The following NKAIN2 variants were observed in gnomAD, a reference collection of about 807,000 sequenced individuals.
NKAIN2 encodes the protein sodium/potassium-transporting ATPase subunit beta-1-interacting protein 2.
Under a neutral mutation model 32.6 loss-of-function variants are expected in NKAIN2, and 14 were observed. The ratio of observed to expected loss-of-function variants is 0.43; its 90% confidence interval spans 0.28 to 0.67. The LOEUF is 0.67. Among genes scored for constraint, NKAIN2 ranks in the 30% least tolerant of loss-of-function variants. The pLI is 0.17. For missense variants in NKAIN2, 198 were observed against 258.3 expected, an observed-to-expected ratio of 0.77 and a Z score of 1.60; for synonymous variants, 80 against 87.2, an observed-to-expected ratio of 0.92 and a Z score of 0.46.
At chr6:124,091,729 A>C (rs1451838534) in intron 1 of NKAIN2, among the ~76,000 whole-genome samples, 1 of 151,860 alleles carries the variant, frequency 6.6e-6, no homozygotes, top group Non-Finnish European at 1.5e-5. Flanking sequence ...ATTTAATGTC[A>C]GGTTGCTACC....
chr6:124,175,306 T>C (rs1789101548), intron 1 of NKAIN2, among the ~76,000 whole-genome samples: 1 of 152,178 alleles, frequency 6.6e-6, no homozygotes, highest in South Asian at 2.1e-4. Context: ...AAGGCATTAC[T>C]ATTTGTAGGG....
intron 1 of NKAIN2, among the ~76,000 whole-genome samples, chr6:123,866,105 C>G (rs1170728701): frequency 6.6e-6 from 1 of 152,162 alleles, no homozygotes; most frequent in Admixed American, 6.5e-5. Context: ...GCTGACTTTT[C>G]CCCATGGCAG....
chr6:123,823,974 TAAAA>T (rs1407157708), intron 1 of NKAIN2, among the ~76,000 whole-genome samples: 1 of 152,092 alleles, frequency 6.6e-6, no homozygotes, highest in Non-Finnish European at 1.5e-5. Flanking sequence ...TTTAAGAAAT[TAAAA>T]AATACTGAGC....
chr6:124,539,175 CAG>C (rs1045886951), intron 3 of NKAIN2, among the ~76,000 whole-genome samples: 43 of 143,116 alleles, frequency 3.0e-4, no homozygotes, highest in African/African-American at 1.0e-3. Flanking sequence ...TTTGTATAAT[CAG>C]AGATATTTAA....
chr6:124,193,966 C>A (rs1790166921), intron 1 of NKAIN2, among the ~76,000 whole-genome samples: 1 of 152,070 alleles, frequency 6.6e-6, no homozygotes, highest in Non-Finnish European at 1.5e-5. Flanking sequence ...ATCTGTTTAG[C>A]CCTCAGCAGA....
At chr6:124,721,445 T>C (rs1205093382) in intron 4 of NKAIN2, among the ~76,000 whole-genome samples, 2 of 151,430 alleles carry the variant, frequency 1.3e-5, no homozygotes, top group Non-Finnish European at 2.9e-5. Context: ...AACGTTACAG[T>C]CCATCAGACA....
At chr6:124,080,855 A>G (rs1457406097) in intron 1 of NKAIN2, among the ~76,000 whole-genome samples, 1 of 152,182 alleles carries the variant, frequency 6.6e-6, no homozygotes, top group Non-Finnish European at 1.5e-5. Context: ...AATTTCTAAC[A>G]CTTTATCTAA....
intron 1 of NKAIN2, among the ~76,000 whole-genome samples, chr6:123,880,615 G>A (rs1470719911): frequency 6.6e-6 from 1 of 152,064 alleles, no homozygotes; most frequent in Non-Finnish European, 1.5e-5. Context: ...TGTATTAAAA[G>A]GAACTCTAAA....
chr6:124,097,368 A>C (rs962516615), intron 1 of NKAIN2, among the ~76,000 whole-genome samples: 3 of 149,362 alleles, frequency 2.0e-5, no homozygotes, highest in Non-Finnish European at 4.4e-5. Context: ...GCGCCACTGC[A>C]CTCTGGCCTG....
chr6:124,709,788 GATTC>G (rs1333319777), intron 4 of NKAIN2, among the ~76,000 whole-genome samples: 2 of 151,590 alleles, frequency 1.3e-5, no homozygotes, highest in Non-Finnish European at 2.9e-5. Flanking sequence ...CCAGCTCCTG[GATTC>G]ATTAATTTTT....
At chr6:124,018,484 T>C (rs1240600440) in intron 1 of NKAIN2, among the ~76,000 whole-genome samples, 1 of 152,200 alleles carries the variant, frequency 6.6e-6, no homozygotes, top group Non-Finnish European at 1.5e-5. Context: ...ACTTGTATGC[T>C]CTGCTTCCTA....
chr6:124,740,341 T>A (rs1777142297), intron 4 of NKAIN2, among the ~76,000 whole-genome samples: 1 of 151,786 alleles, frequency 6.6e-6, no homozygotes, highest in Non-Finnish European at 1.5e-5. Context: ...AAGCTCTGTT[T>A]GAGGCCCAAT....
At chr6:124,734,574 A>T (rs1219176981) in intron 4 of NKAIN2, among the ~76,000 whole-genome samples, 3 of 151,920 alleles carry the variant, frequency 2.0e-5, no homozygotes, top group Non-Finnish European at 4.4e-5. Context: ...CAGGACAAAA[A>T]AGACTGACAC....
rs144379885 is a variant in NKAIN2, at chr6:124,704,795, C to T, written c.474+46409C>T. Among the ~76,000 whole-genome samples the T allele has an allele frequency of 1.1e-3, 173 of 151,940 alleles. 1 individual carries two copies. Among genetic ancestry groups the T allele is most frequent in the African/African-American group, 4.0e-3 (167 of 41,458 alleles). On this transcript the variant is annotated intron_variant, in intron 4 of 6. Transcript: ENST00000368417. ...GATTTATATCCTGATAGAACCAGAGCGTCTAATACACTCTCTACTTAACTT... is the reference window on the plus strand; with the variant it reads ...GATTTATATCCTGATAGAACCAGAGTGTCTAATACACTCTCTACTTAACTT...
intron 1 of NKAIN2, among the ~76,000 whole-genome samples, chr6:124,259,741 C>T (rs185894268): frequency 2.6e-5 from 4 of 152,238 alleles, no homozygotes; most frequent in Non-Finnish European, 5.9e-5. Context: ...TCTCTGAAGG[C>T]TACTGATGCC....
At position 124,299,233 on chromosome 6, in the gene NKAIN2, A is replaced by G. The variant is rs575181381; in HGVS notation, c.192+16091A>G. On this transcript the variant is annotated intron_variant, in intron 2 of 6. Coordinates refer to ENST00000368417, the MANE Select transcript of NKAIN2 (RefSeq NM_001040214.3). ...GAGATATCAGAATATCAGTGCTTAG[A>G]AGACACATATGAGGAAACTGCAGAA... 2.6e-5 allele frequency among the ~76,000 whole-genome samples: 4 copies of G among 152,322 alleles called. No homozygotes were observed. The South Asian group carries it at 8.3e-4, about 32-fold the overall frequency.
chr6:124,563,596 T>C (rs1252743779), intron 3 of NKAIN2, among the ~76,000 whole-genome samples: 1 of 152,292 alleles, frequency 6.6e-6, no homozygotes, highest in East Asian at 1.9e-4. Flanking sequence ...AAACCAGGGT[T>C]CGTTTGCCTG....
intron 1 of NKAIN2, among the ~76,000 whole-genome samples, chr6:124,104,239 C>T (rs1207519952): frequency 6.6e-6 from 1 of 152,120 alleles, no homozygotes; most frequent in Non-Finnish European, 1.5e-5. Flanking sequence ...TTTTGTCTTG[C>T]TAAGTTTCAG....
chr6:123,987,418 A>G (rs1779189524), intron 1 of NKAIN2, among the ~76,000 whole-genome samples: 1 of 152,184 alleles, frequency 6.6e-6, no homozygotes, highest in African/African-American at 2.4e-5. Flanking sequence ...ATCTTGCTGT[A>G]TCATAAGCTA....
Sources: gnomAD v4.1 joint callset for allele counts (sites outside exome capture counted in the v4.1 genomes callset) on GRCh38, gnomAD v4.1.1 for gene constraint, MANE v1.5 for transcripts, NCBI Gene and HGNC (gene_info 2026-07-23, HGNC 2026-07-21) for gene names.